C10orf90: variants seen among roughly 807,000 people sequenced by gnomAD.
C10orf90 encodes (E2-independent) E3 ubiquitin-conjugating enzyme FATS.
In C10orf90, 56 loss-of-function variants were observed where a neutral mutation model predicts 62.5. The observed-to-expected ratio is 0.90, with a 90% confidence interval of 0.72 to 1.12. C10orf90 has a LOEUF of 1.12. Ranked by LOEUF, C10orf90 falls within the 50% of genes most tolerant of loss-of-function variation. C10orf90 has a pLI of 0.00. For missense variants in C10orf90, 970 were observed against 880.4 expected, an observed-to-expected ratio of 1.10 and a Z score of -1.29; for synonymous variants, 386 against 340.4, an observed-to-expected ratio of 1.13 and a Z score of -1.47.
Position 126,531,599 on chromosome 10 carries a change from C to T in C10orf90, c.314-17660G>A, listed in dbSNP as rs1171039106. The stretch of plus-strand genomic sequence containing the variant: ...GATATTCCACTGAAGAATAATATGC[C>T]TCAACTCTTACCTCAAATGCTTCAC... On this transcript the variant is annotated intron_variant, in intron 2 of 9. Transcript: ENST00000488181. Among the ~76,000 whole-genome samples the T allele has an allele frequency of 2.0e-5, 3 of 152,018 alleles. No individual in the cohort carries two copies. The East Asian group carries it at 5.8e-4, about 29-fold the overall frequency.
chr10:126,587,903 C>A (rs1363981640), intron 2 of C10orf90, among the ~76,000 whole-genome samples: 1 of 152,152 alleles, frequency 6.6e-6, no homozygotes, highest in East Asian at 1.9e-4. Context: ...CCATGCAGCC[C>A]CAGGAATTCT....
Position 126,425,530 on chromosome 10 carries a change from A to G in C10orf90, c.*334T>C, listed in dbSNP as rs960594238. ...CAGGGATGTAAACAAACTTGCTTGT[A>G]TCAGGCCTCTCTGATGGGCAGGAAA... On this transcript the variant is annotated 3_prime_UTR_variant, in exon 10 of 10. Coordinates refer to ENST00000488181, the MANE Select transcript of C10orf90 (RefSeq NM_001350921.2). 3.0e-5 allele frequency: 10 copies of G among 337,688 alleles called. No homozygotes were observed. The highest frequency in any genetic ancestry group is 1.5e-4 in the African/African-American group (7 of 47,176). The allele number at this position is 337,688 out of a possible 1,614,324, so 20.9% of individuals were successfully genotyped here.
intron 7 of C10orf90, among the ~76,000 whole-genome samples, chr10:126,431,999 TC>T (rs1859726272): frequency 6.6e-6 from 1 of 152,182 alleles, no homozygotes; most frequent in African/African-American, 2.4e-5. Flanking sequence ...CAGGACTGTG[TC>T]CAAGGGGGCT....
intron 2 of C10orf90, among the ~76,000 whole-genome samples, chr10:126,537,287 A>G (rs1864262780): frequency 6.6e-6 from 1 of 152,234 alleles, no homozygotes; most frequent in Non-Finnish European, 1.5e-5. Context: ...AAGAAGCTTT[A>G]AATTATCCTC....
rs749634972 is a variant in C10orf90, at chr10:126,436,224, G to C, written c.2189-6374C>G. ...ATATGAATCCCAGCGGAGGACTCCT[G>C]TCAGTTGCCCAAAACATGCATTTCC... On this transcript the variant is annotated intron_variant, in intron 7 of 9. Transcript: ENST00000488181. Among the ~76,000 whole-genome samples, 90 of 152,172 alleles carry C rather than the reference G, an allele frequency of 5.9e-4. 1 individual carries two copies. The highest frequency in any genetic ancestry group is 2.6e-4 in the Admixed American group (4 of 15,268).
intron 2 of C10orf90, among the ~76,000 whole-genome samples, chr10:126,518,778 C>T (rs576994660): frequency 6.6e-6 from 1 of 152,158 alleles, no homozygotes; most frequent in African/African-American, 2.4e-5. Context: ...TCTCCATCCG[C>T]CTGAACCACA....
At chr10:126,649,053 T>C (rs1231509844) in intron 1 of C10orf90, among the ~76,000 whole-genome samples, 3 of 52,048 alleles carry the variant, frequency 5.8e-5, no homozygotes, top group African/African-American at 1.6e-4. Flanking sequence ...TCTCTCTCTC[T>C]CTCTCTCTCT....
At chr10:126,600,744 A>T (rs1845183120) in intron 2 of C10orf90, among the ~76,000 whole-genome samples, 1 of 151,858 alleles carries the variant, frequency 6.6e-6, no homozygotes, top group Non-Finnish European at 1.5e-5. Context: ...GTGTGTGTGC[A>T]TGTGTATGTG....
At chr10:126,478,265 T>G (rs2133793382) in intron 4 of C10orf90, among the ~76,000 whole-genome samples, 1 of 152,338 alleles carries the variant, frequency 6.6e-6, no homozygotes, top group African/African-American at 2.4e-5. Context: ...TCTGCCACCC[T>G]TTAAGTGGGT....
intron 2 of C10orf90, among the ~76,000 whole-genome samples, chr10:126,570,849 TA>T (rs961845860): frequency 2.0e-4 from 31 of 152,230 alleles, no homozygotes; most frequent in African/African-American, 7.5e-4. Context: ...TCTTTCAAAA[TA>T]ATATGATCTC....
At chr10:126,596,047 A>T in intron 2 of C10orf90, among the ~76,000 whole-genome samples, 1 of 151,864 alleles carries the variant, frequency 6.6e-6, no homozygotes, top group East Asian at 1.9e-4. Context: ...ACCTTGGGGT[A>T]GGCACCGATT....
chr10:126,616,077 T>C (rs915111023), intron 2 of C10orf90, among the ~76,000 whole-genome samples: 14 of 152,228 alleles, frequency 9.2e-5, no homozygotes, highest in African/African-American at 3.1e-4. Flanking sequence ...TGCTGGACCA[T>C]TGACCAGAGA....
intron 2 of C10orf90, among the ~76,000 whole-genome samples, chr10:126,626,098 A>T (rs1845736180): frequency 6.7e-6 from 1 of 150,028 alleles, no homozygotes; most frequent in Admixed American, 6.7e-5. Flanking sequence ...CACTGCACTC[A>T]ACCCTGGGCA....
At chr10:126,634,732 T>C (rs978143524) in intron 2 of C10orf90, among the ~76,000 whole-genome samples, 1 of 152,224 alleles carries the variant, frequency 6.6e-6, no homozygotes, top group South Asian at 2.1e-4. Flanking sequence ...CATTTTTCAC[T>C]TACAAATTGT....
chr10:126,542,296 A>T (rs1564864333), intron 2 of C10orf90, among the ~76,000 whole-genome samples: 2 of 152,030 alleles, frequency 1.3e-5, no homozygotes, highest in Non-Finnish European at 2.9e-5. Context: ...TGAGGTTAGG[A>T]GTTTGAGTCC....
intron 2 of C10orf90, among the ~76,000 whole-genome samples, chr10:126,547,941 G>T (rs1023439822): frequency 4.4e-4 from 67 of 152,154 alleles, no homozygotes; most frequent in African/African-American, 1.6e-3. Context: ...GAGGAGAAGA[G>T]AAAAGGCTTA....
intron 7 of C10orf90, among the ~76,000 whole-genome samples, chr10:126,451,341 A>G (rs1257547038): frequency 6.6e-6 from 1 of 152,184 alleles, no homozygotes; most frequent in Non-Finnish European, 1.5e-5. Context: ...TCTAAAGGAA[A>G]AGAAATCAGT....
intron 2 of C10orf90, among the ~76,000 whole-genome samples, chr10:126,554,222 A>G (rs1864706767): frequency 6.6e-6 from 1 of 152,180 alleles, no homozygotes; most frequent in Non-Finnish European, 1.5e-5. Flanking sequence ...AACACACTAG[A>G]ACATGGGTGA....
chr10:126,621,344 G>A (rs943771199), intron 2 of C10orf90, among the ~76,000 whole-genome samples: 7 of 152,212 alleles, frequency 4.6e-5, no homozygotes, highest in African/African-American at 1.2e-4. Flanking sequence ...GATACAACAA[G>A]GTCTTAATAT....
Sources: gnomAD v4.1 joint callset for allele counts (sites outside exome capture counted in the v4.1 genomes callset) on GRCh38, gnomAD v4.1.1 for gene constraint, MANE v1.5 for transcripts, NCBI Gene and HGNC (gene_info 2026-07-23, HGNC 2026-07-21) for gene names.